CLIC5: variants seen among roughly 807,000 people sequenced by gnomAD.
CLIC5 encodes the protein chloride intracellular channel protein 5.
CLIC5 carries 20 observed loss-of-function variants against 24.7 expected under a neutral mutation model. The ratio of observed to expected loss-of-function variants is 0.81; its 90% CI spans 0.57 to 1.18. The LOEUF is 1.18. Ranked by LOEUF, CLIC5 falls within the 50% of genes most tolerant of loss-of-function variation. The pLI, the probability that CLIC5 is intolerant of heterozygous loss-of-function variation, is 0.00. For synonymous variants in CLIC5, 159 were observed against 135.6 expected (o/e 1.17, Z -1.20); for missense variants, 341 against 326.1 (o/e 1.05, Z -0.35).
chr6:46,029,174 G>C (rs1767428918), intron 1 of CLIC5, among the ~76,000 whole-genome samples: 1 of 152,172 alleles, frequency 6.6e-6, no homozygotes, highest in Admixed American at 6.5e-5. Flanking sequence ...AATGAGCACA[G>C]TGCCTTACAC....
chr6:46,100,912 A>T, the CLIC5 span, among the ~76,000 whole-genome samples: 1 of 152,166 alleles, frequency 6.6e-6, no homozygotes, highest in Admixed American at 6.5e-5. Context: ...GTTACAGAAA[A>T]AATGGGGGCT....
intron 5 of CLIC5, among the ~76,000 whole-genome samples, chr6:45,904,306 T>C (rs552159339): frequency 1.3e-5 from 2 of 152,214 alleles, no homozygotes; most frequent in Non-Finnish European, 2.9e-5. Context: ...CAAGTATTAT[T>C]ATAATTCATT....
In CLIC5 at chr6:45,913,780, T is replaced by C. The variant is rs1184387231; in HGVS notation, c.588+448A>G. On this transcript the variant is annotated intron_variant, in intron 5 of 5. Coordinates refer to ENST00000339561, the MANE Select transcript of CLIC5 (RefSeq NM_016929.5). ...TGAGGAAAATAATGTGGGCTCACCTTAGGAAGTTGCTGGAGGAAGTGAGAA... is the reference window on the plus strand; with the variant it reads ...TGAGGAAAATAATGTGGGCTCACCTCAGGAAGTTGCTGGAGGAAGTGAGAA... 4.1e-6 allele frequency: 5 copies of C among 1,231,322 alleles called. No homozygotes were observed. The East Asian group carries it at 1.6e-4, about 39-fold the overall frequency. The allele number at this position is 1,231,322 out of a possible 1,614,324, so 76.3% of individuals were successfully genotyped here.
At chr6:46,015,927 C>T, upstream of CLIC5, 1 of 999,390 alleles carries the variant, frequency 1.0e-6, no homozygotes. Context: ...CGGGCGGGGA[C>T]GCGGCGGGGA....
chr6:46,127,095 G>C, the CLIC5 span, among the ~76,000 whole-genome samples: 1 of 152,132 alleles, frequency 6.6e-6, no homozygotes, highest in Non-Finnish European at 1.5e-5. Context: ...CTTAGTTTTT[G>C]TGTATTGATA....
At chr6:45,991,989 T>C (rs1338471) in intron 1 of CLIC5, among the ~76,000 whole-genome samples, 90,108 of 152,068 alleles carry the variant, frequency 0.59, 27,061 homozygotes, top group East Asian at 0.77. Context: ...AAACAACTTA[T>C]GATCATAGCA....
chr6:45,972,009 A>G (rs567308556), intron 1 of CLIC5, among the ~76,000 whole-genome samples: 6 of 152,182 alleles, frequency 3.9e-5, no homozygotes, highest in Non-Finnish European at 7.3e-5. Context: ...GTTCAGGGCC[A>G]GACACATTTA....
At chr6:46,000,141 G>A (rs1220805216) in intron 1 of CLIC5, among the ~76,000 whole-genome samples, 1 of 152,156 alleles carries the variant, frequency 6.6e-6, no homozygotes, top group Admixed American at 6.6e-5. Context: ...CAAAATGTGT[G>A]TTGACTGTTA....
At chr6:45,915,909 AT>A (rs1176593682) in intron 4 of CLIC5, among the ~76,000 whole-genome samples, 1 of 152,176 alleles carries the variant, frequency 6.6e-6, no homozygotes, top group East Asian at 1.9e-4. Context: ...CATCAGCCCC[AT>A]CCCCAGACTC....
chr6:46,067,395 G>T (rs1200591323), intron 1 of CLIC5, among the ~76,000 whole-genome samples: 3 of 152,220 alleles, frequency 2.0e-5, no homozygotes, highest in African/African-American at 7.2e-5. Flanking sequence ...GCCACATCCT[G>T]GCCAGCTGAT....
chr6:45,912,262 G>A, intron 5 of CLIC5: 2 of 992,886 alleles, frequency 2.0e-6, no homozygotes, highest in South Asian at 4.6e-5. Flanking sequence ...AATCCAAAGA[G>A]ATAGGGGCCA....
In CLIC5 at chr6:45,999,954, G is replaced by A. The variant is rs1317153092; in HGVS notation, c.63+15526C>T. On this transcript the variant is annotated intron_variant, in intron 1 of 5. Transcript: ENST00000339561. The stretch of plus-strand genomic sequence containing the variant: ...TTTAGTAGAGACGGGGTTTCACCTT[G>A]TTAGCCAGGATGGTCTCGATCTCCT... Among the ~76,000 whole-genome samples the A allele has an allele frequency of 8.3e-5, 3 of 36,326 alleles. 1 individual carries two copies. The highest frequency in any genetic ancestry group is 7.5e-4 in the Admixed American group (3 of 3,986). 23.8% of individuals were successfully genotyped at this position (36,326 alleles called of 152,430 possible).
chr6:45,971,381 T>A (rs767828532), intron 1 of CLIC5, among the ~76,000 whole-genome samples: 7 of 152,168 alleles, frequency 4.6e-5, no homozygotes, highest in Non-Finnish European at 7.3e-5. Flanking sequence ...TTTAAAAAAA[T>A]TTTATTATGG....
Position 45,901,585 on chromosome 6 carries a change from G to C in CLIC5, c.*1503C>G, listed in dbSNP as rs1762512665. The C allele has an allele frequency of 6.6e-6, 1 of 152,096 alleles. No individual in the cohort carries two copies. Among genetic ancestry groups the C allele is most frequent in the Non-Finnish European group, 1.5e-5 (1 of 68,042 alleles). 9.4% of individuals were successfully genotyped at this position (152,096 alleles called of 1,614,324 possible). On this transcript the variant is annotated 3_prime_UTR_variant, in exon 6 of 6. Coordinates refer to ENST00000339561, the MANE Select transcript of CLIC5 (RefSeq NM_016929.5). Reference sequence around the variant, plus strand: ...CGAACACTATAGAAGGGGGATTGTTGAAGGTAAGGGCCTGTGGCAAATGGA... The same window carrying C: ...CGAACACTATAGAAGGGGGATTGTTCAAGGTAAGGGCCTGTGGCAAATGGA...
intron 6 of CLIC5, among the ~76,000 whole-genome samples, chr6:45,892,632 T>C (rs538159285): frequency 4.6e-5 from 7 of 152,344 alleles, no homozygotes; most frequent in African/African-American, 1.2e-4. Context: ...TCTGGTGGCT[T>C]TACTCTCAGG....
chr6:45,997,506 A>G (rs1766191490), intron 1 of CLIC5, among the ~76,000 whole-genome samples: 1 of 133,618 alleles, frequency 7.5e-6, no homozygotes, highest in African/African-American at 3.0e-5. Flanking sequence ...AAGTATAATA[A>G]TAAAAGAAAA....
chr6:46,063,253 G>GA (rs1400950798), intron 1 of CLIC5, among the ~76,000 whole-genome samples: 4 of 152,258 alleles, frequency 2.6e-5, no homozygotes, highest in Non-Finnish European at 4.4e-5. Context: ...CAATATTCCA[G>GA]AAGAACAGAG....
chr6:45,959,470 C>A (rs555893266), intron 1 of CLIC5, among the ~76,000 whole-genome samples: 1 of 152,138 alleles, frequency 6.6e-6, no homozygotes, highest in African/African-American at 2.4e-5. Context: ...TAGTAGAAGT[C>A]GGCTTCCACA....
At chr6:45,903,799 T>C (rs1452258334) in intron 5 of CLIC5, among the ~76,000 whole-genome samples, 1 of 152,206 alleles carries the variant, frequency 6.6e-6, no homozygotes, top group Non-Finnish European at 1.5e-5. Context: ...AGTGGTTATG[T>C]CTGATTGATA....
Sources: allele counts gnomAD v4.1 joint callset (sites outside exome capture counted in the v4.1 genomes callset), GRCh38; gene constraint gnomAD v4.1.1; transcripts MANE v1.5; gene names NCBI Gene and HGNC (gene_info 2026-07-23, HGNC 2026-07-21).